The following CHN2 variants were observed in gnomAD, a reference collection of about 807,000 sequenced individuals.
CHN2 encodes the protein chimerin 2, also known as beta-chimaerin.
A neutral mutation model predicts 56.3 loss-of-function variants in CHN2; 35 were observed. That is an observed-to-expected ratio of 0.62 (90% CI 0.47 to 0.82). The LOEUF (loss-of-function observed/expected upper bound fraction) is 0.82. Ranked by LOEUF, CHN2 falls within the 40% of genes least tolerant of loss-of-function variation. The pLI is 0.00. For synonymous variants in CHN2, 210 were observed against 212.8 expected, an observed-to-expected ratio of 0.99 and a Z score of 0.12; for missense variants, 491 against 580.5, an observed-to-expected ratio of 0.85 and a Z score of 1.58.
chr7:29,330,996 C>T (rs140921507), intron 1 of CHN2, among the ~76,000 whole-genome samples: 23 of 152,298 alleles, frequency 1.5e-4, no homozygotes, highest in Middle Eastern at 3.4e-3. Context: ...ATTCTCCCTA[C>T]GCTGCCATGT....
upstream of CHN2, chr7:29,193,157 C>T (rs1783117894): frequency 6.6e-6 from 1 of 152,126 alleles, no homozygotes; most frequent in Admixed American, 6.5e-5. Context: ...CGCAGTCCCA[C>T]GTGACTGAAG....
chr7:29,437,317 G>GGCCAAAAACCTTAAGAATCCAAAAGCA (rs1386190527), intron 6 of CHN2, among the ~76,000 whole-genome samples: 10 of 86,504 alleles, frequency 1.2e-4, no homozygotes, highest in Non-Finnish European at 1.2e-4. Flanking sequence ...ATCTAAAACC[G>GGCCAAAAACCTTAAGAATCCAAAAGCA]GCTGGGCGCG....
intron 2 of CHN2, among the ~76,000 whole-genome samples, chr7:29,182,258 A>G (rs77254767): frequency 2.0e-5 from 3 of 152,360 alleles, no homozygotes; most frequent in Non-Finnish European, 4.4e-5. Flanking sequence ...AGGAGCGCAG[A>G]GGAAGGTTAG....
chr7:29,467,381 C>T (rs552968003), intron 6 of CHN2, among the ~76,000 whole-genome samples: 4 of 152,150 alleles, frequency 2.6e-5, no homozygotes, highest in South Asian at 2.1e-4. Context: ...TGTTGTTTAA[C>T]TTGTGCAATG....
chr7:29,195,027 G>T (rs1350916261), intron 1 of CHN2, 37 bp downstream of exon 1: 4 of 1,576,640 alleles, frequency 2.5e-6, no homozygotes, highest in Non-Finnish European at 3.4e-6. Context: ...TGCCGCGCCG[G>T]GTCTCGCCCC....
Position 29,509,378 on chromosome 7 carries a change from C to G in CHN2, c.1207C>G (p.Leu403Val), listed in dbSNP as rs1234260574. The G allele has an allele frequency of 3.1e-6, 5 of 1,613,838 alleles. No individual in the cohort carries two copies. The highest frequency in any genetic ancestry group is 4.2e-6 in the Non-Finnish European group (5 of 1,179,880). The change falls in exon 12 of 13, where the codon CTC becomes GTC. Residue 403 changes from leucine (L) to valine (V), a missense_variant. Transcript: ENST00000222792. Reference protein sequence around the residue: ...MLLPPAHYETLRYLMIHLKKV... With the variant: ...MLLPPAHYETVRYLMIHLKKV... Reference sequence around the variant, plus strand: ...GCTGCCTCCTGCCCACTATGAAACCCTCCGGTACCTAATGATCCACCTCAA... The same window carrying G: ...GCTGCCTCCTGCCCACTATGAAACCGTCCGGTACCTAATGATCCACCTCAA...
At chr7:29,310,889 A>G (rs773524180) in intron 1 of CHN2, among the ~76,000 whole-genome samples, 19 of 152,330 alleles carry the variant, frequency 1.2e-4, no homozygotes, top group Middle Eastern at 6.8e-3. Flanking sequence ...GGATTTCAAC[A>G]TAAGAATTTT....
chr7:29,213,115 G>A (rs1785080950), intron 1 of CHN2: 1 of 1,590,216 alleles, frequency 6.3e-7, no homozygotes, highest in Non-Finnish European at 8.6e-7. Flanking sequence ...TGCAGGGGAA[G>A]GCCTTAATGT....
At chr7:29,215,399 C>A (rs1785260828) in intron 1 of CHN2, among the ~76,000 whole-genome samples, 1 of 152,170 alleles carries the variant, frequency 6.6e-6, no homozygotes, top group Non-Finnish European at 1.5e-5. Context: ...CTTTCGACTT[C>A]TGTAAATGTC....
chr7:29,211,450 G>GCACACACACACACACACA (rs148200755), intron 1 of CHN2, among the ~76,000 whole-genome samples: 2 of 138,360 alleles, frequency 1.4e-5, no homozygotes, highest in Non-Finnish European at 3.1e-5. Context: ...CTGCATGTTG[G>GCACACACACACACACACA]CACACACACA....
intron 6 of CHN2, among the ~76,000 whole-genome samples, chr7:29,472,948 G>A (rs1460164511): frequency 6.6e-6 from 1 of 152,182 alleles, no homozygotes; most frequent in African/African-American, 2.4e-5. Context: ...CTGATTCTGG[G>A]CCTGTTTCAT....
chr7:29,448,394 C>T (rs1338454476), intron 6 of CHN2, among the ~76,000 whole-genome samples: 3 of 152,110 alleles, frequency 2.0e-5, no homozygotes, highest in African/African-American at 7.2e-5. Context: ...GACTTCTAAA[C>T]TCCACTTGAA....
intron 1 of CHN2, among the ~76,000 whole-genome samples, chr7:29,284,607 C>G (rs1792001467): frequency 6.6e-6 from 1 of 152,188 alleles, no homozygotes; most frequent in Non-Finnish European, 1.5e-5. Context: ...AGTCATCAGT[C>G]TCAGCGAAGT....
rs183715377 is a variant in CHN2, at chr7:29,238,902, A to C, written c.49+43912A>C. Reference sequence around the variant, plus strand: ...CTGGAGAAAATGAGCAAGGCGGGGCAGTAGTCAGAAGGAAGTTGGCGTGTG... The same window carrying C: ...CTGGAGAAAATGAGCAAGGCGGGGCCGTAGTCAGAAGGAAGTTGGCGTGTG... On this transcript the variant is annotated intron_variant, in intron 1 of 12. Coordinates refer to ENST00000222792, the MANE Select transcript of CHN2 (RefSeq NM_004067.4). Among the ~76,000 whole-genome samples, 118 of 152,354 alleles carry C rather than the reference A, an allele frequency of 7.7e-4. 1 individual carries two copies. The East Asian group carries it at 0.014, about 18-fold the overall frequency.
intron 1 of CHN2, among the ~76,000 whole-genome samples, chr7:29,220,585 A>G (rs890127314): frequency 2.0e-5 from 3 of 152,094 alleles, no homozygotes; most frequent in African/African-American, 7.2e-5. Flanking sequence ...AACACAACTT[A>G]CCAAAACAGA....
At chr7:29,270,794 A>G in intron 1 of CHN2, among the ~76,000 whole-genome samples, 1 of 152,166 alleles carries the variant, frequency 6.6e-6, no homozygotes, top group South Asian at 2.1e-4. Context: ...GAGATAAGGC[A>G]CTGGAGAGAG....
chr7:29,211,892 CT>C (rs1784987193), intron 1 of CHN2, among the ~76,000 whole-genome samples: 1 of 152,204 alleles, frequency 6.6e-6, no homozygotes, highest in East Asian at 1.9e-4. Context: ...ATTTTAATAA[CT>C]TTTTATAAAG....
chr7:29,241,123 G>T (rs245959), intron 1 of CHN2, among the ~76,000 whole-genome samples: 19,921 of 151,998 alleles, frequency 0.13, 3,144 homozygotes, highest in African/African-American at 0.38. Context: ...TGACCTCAAG[G>T]GATCCTCCCG....
intron 1 of CHN2, among the ~76,000 whole-genome samples, chr7:29,285,564 G>T (rs1001736265): frequency 4.6e-5 from 7 of 152,160 alleles, no homozygotes; most frequent in Admixed American, 2.0e-4. Flanking sequence ...TTGCTTTTTC[G>T]CAACCACAAT....
Sources: allele counts gnomAD v4.1 joint callset (sites outside exome capture counted in the v4.1 genomes callset), GRCh38; gene constraint gnomAD v4.1.1; transcripts MANE v1.5; gene names NCBI Gene and HGNC (gene_info 2026-07-23, HGNC 2026-07-21).